The following ANKS1B variants were observed in gnomAD, a reference collection of about 807,000 sequenced individuals.
ANKS1B encodes ankyrin repeat and sterile alpha motif domain containing 1B, also known as ankyrin repeat and sterile alpha motif domain-containing protein 1B.
In ANKS1B, 36 loss-of-function variants were observed where a neutral mutation model predicts 148.3. The ratio of observed to expected loss-of-function variants is 0.24; its 90% CI spans 0.19 to 0.32. The LOEUF is 0.32. Ranked by LOEUF, ANKS1B falls within the 10% of genes least tolerant of loss-of-function variation. The probability of loss-of-function intolerance (pLI) is 1.00; values close to 1 mark genes in which losing one functional copy is unlikely to be tolerated. For synonymous variants in ANKS1B, 542 were observed against 560.8 expected (o/e 0.97, Z 0.47); for missense variants, 1,157 against 1,542.6 (o/e 0.75, Z 4.19).
rs181428438 is a variant in ANKS1B at position 98,767,885 on chromosome 12, G to A, written c.3579+5157C>T. ...TTTTGAGGACGATCACTTCAGCCTC[G>A]GGATCTGGTGGCCACTGAAATACCC... On this transcript the variant is annotated intron_variant, in intron 25 of 26. Transcript: ENST00000683438. Among the ~76,000 whole-genome samples the A allele has an allele frequency of 1.4e-4, 21 of 152,300 alleles. No homozygotes were observed. The South Asian group carries it at 1.7e-3, about 12-fold the overall frequency.
chr12:99,596,404 CTCT>C (rs1449870203), intron 9 of ANKS1B, among the ~76,000 whole-genome samples: 2 of 151,798 alleles, frequency 1.3e-5, no homozygotes, highest in African/African-American at 4.8e-5. Context: ...GTGTCCTCTC[CTCT>C]TGTTATAAGG....
At chr12:99,887,438 C>T (rs12809521) in intron 1 of ANKS1B, among the ~76,000 whole-genome samples, 25,832 of 152,144 alleles carry the variant, frequency 0.17, 2,739 homozygotes, top group Non-Finnish European at 0.24. Context: ...TTTCACGTTT[C>T]AAAGTGTAGT....
At chr12:99,517,576 A>G (rs2153048406) in intron 9 of ANKS1B, among the ~76,000 whole-genome samples, 1 of 151,976 alleles carries the variant, frequency 6.6e-6, no homozygotes, top group South Asian at 2.1e-4. Flanking sequence ...AAAAAAAAAA[A>G]AAATTAGCTG....
intron 14 of ANKS1B, among the ~76,000 whole-genome samples, chr12:99,178,086 T>C (rs897844743): frequency 6.6e-5 from 10 of 152,332 alleles, no homozygotes; most frequent in African/African-American, 2.2e-4. Flanking sequence ...ACTTTCAGTA[T>C]AGAACTTGAA....
intron 1 of ANKS1B, among the ~76,000 whole-genome samples, chr12:99,922,423 A>G (rs2094381673): frequency 6.6e-6 from 1 of 152,138 alleles, no homozygotes; most frequent in East Asian, 1.9e-4. Flanking sequence ...AAGAGTAGGA[A>G]AAAAAACATT....
chr12:99,929,534 G>A (rs1470876067), intron 1 of ANKS1B, among the ~76,000 whole-genome samples: 1 of 152,086 alleles, frequency 6.6e-6, no homozygotes, highest in African/African-American at 2.4e-5. Context: ...GGCTTTTGTT[G>A]CCATTGCTTT....
chr12:99,679,758 T>C (rs1196809758), intron 8 of ANKS1B, among the ~76,000 whole-genome samples: 1 of 152,160 alleles, frequency 6.6e-6, no homozygotes, highest in Non-Finnish European at 1.5e-5. Flanking sequence ...TTGTAGATTA[T>C]GGAAGAAAAT....
chr12:99,132,015 G>C (rs1183206447), intron 15 of ANKS1B, among the ~76,000 whole-genome samples: 1 of 151,938 alleles, frequency 6.6e-6, no homozygotes, highest in Non-Finnish European at 1.5e-5. Flanking sequence ...CCCTCCCCCA[G>C]CTGCCTACCA....
At chr12:99,278,676 T>G (rs2078005289) in intron 12 of ANKS1B, among the ~76,000 whole-genome samples, 1 of 152,298 alleles carries the variant, frequency 6.6e-6, no homozygotes, top group African/African-American at 2.4e-5. Context: ...GATTGTAATC[T>G]TCTGTGTATG....
chr12:99,822,848 C>T (rs1017204743), intron 2 of ANKS1B, among the ~76,000 whole-genome samples: 2 of 152,140 alleles, frequency 1.3e-5, no homozygotes, highest in African/African-American at 4.8e-5. Context: ...GTTTTAAGTT[C>T]TTTGAGAAAT....
intron 12 of ANKS1B, among the ~76,000 whole-genome samples, chr12:99,376,497 T>C (rs1192215425): frequency 6.6e-6 from 1 of 152,192 alleles, no homozygotes; most frequent in Non-Finnish European, 1.5e-5. Context: ...AATGCTTTGT[T>C]AGGAAATGCT....
chr12:99,782,572 T>C (rs1443517048), intron 4 of ANKS1B, among the ~76,000 whole-genome samples: 1 of 151,996 alleles, frequency 6.6e-6, no homozygotes, highest in Non-Finnish European at 1.5e-5. Flanking sequence ...AATAAATAAA[T>C]AAATAGCCAT....
At chr12:99,117,151 C>G (rs2061611669) in intron 15 of ANKS1B, among the ~76,000 whole-genome samples, 1 of 152,098 alleles carries the variant, frequency 6.6e-6, no homozygotes, top group Non-Finnish European at 1.5e-5. Context: ...TGCAAACAGA[C>G]AGTTTGACTT....
Position 99,154,408 on chromosome 12 carries a change from G to A in ANKS1B, c.2420-13C>T. 1 of 1,613,800 alleles carries A rather than the reference G, an allele frequency of 6.2e-7. No homozygotes were observed. Among genetic ancestry groups the A allele is most frequent in the East Asian group, 2.2e-5 (1 of 44,866 alleles). On this transcript the variant is annotated splice_polypyrimidine_tract_variant and intron_variant, in intron 14 of 26. Transcript: ENST00000683438. ...GGGCATCTGGGTCCTGTAAGAGGATGAAGAGGGAAGCGTTTAAGCAGGGAG... is the reference window on the plus strand; with the variant it reads ...GGGCATCTGGGTCCTGTAAGAGGATAAAGAGGGAAGCGTTTAAGCAGGGAG...
At chr12:99,733,899 G>A (rs1284097681) in intron 8 of ANKS1B, among the ~76,000 whole-genome samples, 1 of 152,162 alleles carries the variant, frequency 6.6e-6, no homozygotes, top group Non-Finnish European at 1.5e-5. Context: ...TGGGTTGTCA[G>A]TAGCTAGAAA....
chr12:99,171,430 T>C (rs1050121151), intron 14 of ANKS1B, among the ~76,000 whole-genome samples: 5 of 152,182 alleles, frequency 3.3e-5, no homozygotes, highest in Non-Finnish European at 2.9e-5. Flanking sequence ...AATTGGGGAA[T>C]GCTATAGGTC....
At chr12:98,815,999 C>T (rs533906253) in intron 19 of ANKS1B, among the ~76,000 whole-genome samples, 2 of 152,172 alleles carry the variant, frequency 1.3e-5, no homozygotes, top group East Asian at 3.9e-4. Flanking sequence ...GTTCTCCGTT[C>T]TCTGGTACCC....
intron 17 of ANKS1B, among the ~76,000 whole-genome samples, chr12:98,850,569 G>A (rs536284893): frequency 6.5e-5 from 9 of 139,154 alleles, no homozygotes; most frequent in African/African-American, 2.2e-4. Flanking sequence ...CTGGGTTCAC[G>A]CCATTCTCCT....
rs374149649 is a variant in ANKS1B at position 99,866,422 on chromosome 12, T to C, written c.135-41033A>G. 2.4e-4 allele frequency among the ~76,000 whole-genome samples: 36 copies of C among 152,290 alleles called. 1 individual carries two copies. The highest frequency in any genetic ancestry group is 8.2e-4 in the African/African-American group (34 of 41,568). On this transcript the variant is annotated intron_variant, in intron 1 of 26. Coordinates refer to ENST00000683438, the MANE Select transcript of ANKS1B (RefSeq NM_001352186.2). ...ACTTTTCCTACCTCATTTTCAGCAG[T>C]ATTCACTCTATTCCCACTGTTTCCT...
Sources: allele counts gnomAD v4.1 joint callset (sites outside exome capture counted in the v4.1 genomes callset), GRCh38; gene constraint gnomAD v4.1.1; transcripts MANE v1.5; gene names NCBI Gene and HGNC (gene_info 2026-07-23, HGNC 2026-07-21).